EYS: variants seen among roughly 807,000 people sequenced by gnomAD.
The protein encoded by EYS is EGF-like photoreceptor maintenance factor.
EYS carries 250 observed loss-of-function variants against 282.1 expected under a neutral mutation model. The ratio of observed to expected loss-of-function variants is 0.89; its 90% CI spans 0.80 to 0.98. The LOEUF (loss-of-function observed/expected upper bound fraction) is 0.98, where lower values mean the gene tolerates loss of function less well. Ranked by LOEUF, EYS falls within the 50% of genes least tolerant of loss-of-function variation. EYS has a pLI of 0.00. For missense variants in EYS, 4,016 were observed against 3,709.0 expected (o/e 1.08, Z -2.15); for synonymous variants, 1,355 against 1,282.9 (o/e 1.06, Z -1.20).
At chr6:64,819,863 G>C (rs1764848771) in intron 21 of EYS, among the ~76,000 whole-genome samples, 3 of 151,836 alleles carry the variant, frequency 2.0e-5, no homozygotes. Flanking sequence ...AAATCAAAAA[G>C]TAAAGGGCAA....
rs527679903 is a variant in EYS at position 64,658,054 on chromosome 6, C to T, written c.3444-31809G>A. ...TATTTCTGGGAGGCTTTGTTCACTTCTTTTTACTCTTTTTCCTCTAAACTT... is the reference window on the plus strand; with the variant it reads ...TATTTCTGGGAGGCTTTGTTCACTTTTTTTTACTCTTTTTCCTCTAAACTT... On this transcript the variant is annotated intron_variant, in intron 22 of 42. Coordinates refer to ENST00000503581, the MANE Select transcript of EYS (RefSeq NM_001142800.2). Among the ~76,000 whole-genome samples the T allele has an allele frequency of 1.4e-3, 212 of 152,260 alleles. 1 individual carries two copies. Among genetic ancestry groups the T allele is most frequent in the Middle Eastern group, 6.8e-3 (2 of 294 alleles).
At chr6:63,910,629 A>G (rs1773889664) in intron 35 of EYS, among the ~76,000 whole-genome samples, 1 of 152,182 alleles carries the variant, frequency 6.6e-6, no homozygotes, top group South Asian at 2.1e-4. Context: ...TGTACTTACC[A>G]TACAGAAGAA....
At chr6:64,462,750 C>A (rs978572554) in intron 26 of EYS, among the ~76,000 whole-genome samples, 1 of 151,754 alleles carries the variant, frequency 6.6e-6, no homozygotes, top group Non-Finnish European at 1.5e-5. Context: ...GGGTTGCTAG[C>A]CTTAACAAAT....
At chr6:64,214,925 CTGAT>C (rs761981630) in intron 31 of EYS, among the ~76,000 whole-genome samples, 7 of 151,836 alleles carry the variant, frequency 4.6e-5, no homozygotes, top group Non-Finnish European at 7.4e-5. Context: ...TTATGCAAAT[CTGAT>C]TGAGATAATA....
intron 29 of EYS, among the ~76,000 whole-genome samples, chr6:64,358,503 T>A (rs1771904727): frequency 6.6e-6 from 1 of 151,540 alleles, no homozygotes; most frequent in South Asian, 2.1e-4. Flanking sequence ...GAATATTCAA[T>A]CTCCACTGCC....
chr6:65,642,272 C>G (rs1238015008), intron 1 of EYS, among the ~76,000 whole-genome samples: 2 of 151,966 alleles, frequency 1.3e-5, no homozygotes. Context: ...CTTTATGTAC[C>G]TGGCTACCTT....
rs549860862 is a variant in EYS, at chr6:65,705,080, C to G, written c.-448+2055G>C. On this transcript the variant is annotated intron_variant, in intron 1 of 42. Coordinates refer to ENST00000503581, the MANE Select transcript of EYS (RefSeq NM_001142800.2). ...TAGGCATTTATTTATATCAGTTGGG[C>G]TAGCAAAAACTTGTATGATTAGACC... Among the ~76,000 whole-genome samples, 3 of 152,100 alleles carry G rather than the reference C, an allele frequency of 2.0e-5. No individual in the cohort carries two copies. In the East Asian group the frequency reaches 5.8e-4, roughly 29 times the overall value.
chr6:64,354,482 C>T (rs754789393), intron 29 of EYS, among the ~76,000 whole-genome samples: 8 of 151,530 alleles, frequency 5.3e-5, no homozygotes, highest in Non-Finnish European at 4.4e-5. Flanking sequence ...TTTGTTTCCT[C>T]ATCCATAAAA....
At chr6:65,353,736 CACACTT>C in intron 8 of EYS, 119 bp from the exon 9 acceptor site, 1 of 756,012 alleles carries the variant, frequency 1.3e-6, no homozygotes, top group Non-Finnish European at 2.2e-6. Context: ...CTTTATGGGA[CACACTT>C]TTTATACTTC....
intron 14 of EYS, among the ~76,000 whole-genome samples, chr6:64,948,963 C>T (rs1769390822): frequency 6.6e-6 from 1 of 151,792 alleles, no homozygotes; most frequent in Admixed American, 6.6e-5. Context: ...GTTGTAAATG[C>T]ATAAACTATA....
intron 11 of EYS, among the ~76,000 whole-genome samples, chr6:65,296,849 A>G (rs2150286969): frequency 6.6e-6 from 1 of 151,894 alleles, no homozygotes; most frequent in African/African-American, 2.4e-5. Context: ...AATAGTCTGC[A>G]ATTTATGTAA....
At chr6:64,050,126 C>G (rs1468218800) in intron 33 of EYS, among the ~76,000 whole-genome samples, 1 of 152,206 alleles carries the variant, frequency 6.6e-6, no homozygotes, top group Non-Finnish European at 1.5e-5. Flanking sequence ...ACCCTGCCTT[C>G]TTTCTTTAAC....
intron 26 of EYS, among the ~76,000 whole-genome samples, chr6:64,512,734 A>C (rs2150520323): frequency 6.6e-6 from 1 of 152,052 alleles, no homozygotes; most frequent in Non-Finnish European, 1.5e-5. Flanking sequence ...TGATTTTCCT[A>C]GAGGAAATAG....
chr6:64,823,877 T>C (rs1764972742), intron 19 of EYS, among the ~76,000 whole-genome samples: 2 of 151,952 alleles, frequency 1.3e-5, no homozygotes, highest in South Asian at 4.1e-4. Context: ...TGGATACCAA[T>C]TGGAAAACAT....
chr6:64,842,429 A>G (rs1032570827), intron 19 of EYS, among the ~76,000 whole-genome samples: 5 of 152,012 alleles, frequency 3.3e-5, no homozygotes, highest in African/African-American at 1.2e-4. Flanking sequence ...AGAGTGGGGC[A>G]CTGCTGAAAA....
intron 19 of EYS, among the ~76,000 whole-genome samples, chr6:64,886,476 G>C (rs1240120669): frequency 1.3e-5 from 2 of 151,940 alleles, no homozygotes; most frequent in African/African-American, 4.8e-5. Context: ...AGATAAAAAT[G>C]TAAGATAACT....
intron 36 of EYS, among the ~76,000 whole-genome samples, chr6:63,840,211 C>CTTATTATTATTA (rs377459471): frequency 0.045 from 6,297 of 140,332 alleles, 141 homozygotes; most frequent in African/African-American, 0.047. Context: ...CCATGCCCAT[C>CTTATTATTATTA]TTATTATTAT....
intron 34 of EYS, among the ~76,000 whole-genome samples, chr6:63,992,341 T>C (rs1487632894): frequency 6.6e-6 from 1 of 151,796 alleles, no homozygotes; most frequent in Non-Finnish European, 1.5e-5. Flanking sequence ...TTATTTTAGA[T>C]ACAAGGGGTA....
chr6:64,995,390 G>A (rs1771217276), intron 14 of EYS, among the ~76,000 whole-genome samples: 2 of 152,034 alleles, frequency 1.3e-5, no homozygotes, highest in Non-Finnish European at 2.9e-5. Context: ...AACTTTTATA[G>A]TAATAAATCC....
Sources: allele counts gnomAD v4.1 joint callset (sites outside exome capture counted in the v4.1 genomes callset), GRCh38; gene constraint gnomAD v4.1.1; transcripts MANE v1.5; gene names NCBI Gene and HGNC (gene_info 2026-07-23, HGNC 2026-07-21).